The following DERA variants were observed in gnomAD, a reference collection of about 807,000 sequenced individuals.
DERA encodes the protein deoxyribose-phosphate aldolase.
In DERA, 15 loss-of-function variants were observed where a neutral mutation model predicts 41.1. That is an observed-to-expected ratio of 0.37 (90% CI 0.24 to 0.56). DERA has a LOEUF of 0.56. Among genes scored for constraint, DERA ranks in the 20% least tolerant of loss-of-function variants. The pLI is 0.81. For missense variants in DERA, 396 were observed against 403.4 expected (o/e 0.98, Z 0.16); for synonymous variants, 139 against 137.4 (o/e 1.01, Z -0.08).
chr12:16,021,543 T>C lies in DERA; in HGVS notation c.638-10999T>C, dbSNP rs1949017286. On this transcript the variant is annotated intron_variant, in intron 6 of 8. Coordinates refer to ENST00000428559, the MANE Select transcript of DERA (RefSeq NM_015954.4). This position sits in a 1 kb window ranked among gnomAD's most constrained non-coding sequence, Gnocchi z 5.3. ...CAGAGTCTCCACTGCAGCGCTGTCTTAGTGGAATTGTGGGAATGGGGCTGC... is the reference window on the plus strand; with the variant it reads ...CAGAGTCTCCACTGCAGCGCTGTCTCAGTGGAATTGTGGGAATGGGGCTGC... Among the ~76,000 whole-genome samples the C allele has an allele frequency of 6.6e-6, 1 of 152,122 alleles. No individual in the cohort carries two copies. The highest frequency in any genetic ancestry group is 2.4e-5 in the African/African-American group (1 of 41,408).
At chr12:15,964,549 A>T (rs893955222) in intron 5 of DERA, among the ~76,000 whole-genome samples, 1 of 152,174 alleles carries the variant, frequency 6.6e-6, no homozygotes, top group East Asian at 1.9e-4. Flanking sequence ...CTCTGTTCCT[A>T]TATATTAATT....
In DERA at chr12:16,001,112, A is replaced by G. The variant is rs1231512481; in HGVS notation, c.637+18676A>G. Among the ~76,000 whole-genome samples, 2 of 152,180 alleles carry G rather than the reference A, an allele frequency of 1.3e-5. No individual in the cohort carries two copies. The highest frequency in any genetic ancestry group is 2.4e-5 in the African/African-American group (1 of 41,440). Reference sequence around the variant, plus strand: ...ATTTTCATTTTCTGTCCATAAACGCATACCCAGGCAGAGCTGATACTCTAT... The same window carrying G: ...ATTTTCATTTTCTGTCCATAAACGCGTACCCAGGCAGAGCTGATACTCTAT... On this transcript the variant is annotated intron_variant, in intron 6 of 8. Coordinates refer to ENST00000428559, the MANE Select transcript of DERA (RefSeq NM_015954.4). The surrounding 1 kb of genome is among the most constrained non-coding windows in gnomAD (Gnocchi z 4.1).
Position 15,976,139 on chromosome 12 carries a change from C to T in DERA, c.509-6169C>T, listed in dbSNP as rs937649675. ...TAACCTCTATTACACTCCAGCATTG[C>T]ATGGTTTATTCTTACTTTCCCCTTC... On this transcript the variant is annotated intron_variant, in intron 5 of 8. Transcript: ENST00000428559. The surrounding 1 kb of genome is among the most constrained non-coding windows in gnomAD (Gnocchi z 4.1). 6.6e-6 allele frequency among the ~76,000 whole-genome samples: 1 copy of T among 152,210 alleles called. No individual in the cohort carries two copies. The highest frequency in any genetic ancestry group is 6.5e-5 in the Admixed American group (1 of 15,282).
At chr12:16,031,966 T>G (rs975147209) in intron 6 of DERA, among the ~76,000 whole-genome samples, 1 of 152,200 alleles carries the variant, frequency 6.6e-6, no homozygotes, top group Non-Finnish European at 1.5e-5. Context: ...TAAGATACAT[T>G]TGAAGGAAGG....
rs1948620982 is a variant in DERA, at chr12:15,966,120, C to T, written c.508+3173C>T. Among the ~76,000 whole-genome samples the T allele has an allele frequency of 6.6e-6, 1 of 152,172 alleles. No individual in the cohort carries two copies. Among genetic ancestry groups the T allele is most frequent in the Non-Finnish European group, 1.5e-5 (1 of 68,034 alleles). On this transcript the variant is annotated intron_variant, in intron 5 of 8. Transcript: ENST00000428559. This position sits in a 1 kb window ranked among gnomAD's most constrained non-coding sequence, Gnocchi z 5.1. ...AAAGAAGGCCCGATGCGGTGGCTCA[C>T]ACCTGTAATCCCAGCACTTTGGGAG...
At position 15,936,915 on chromosome 12, in the gene DERA, CCTGTCCTGTCCTGTCCTGTCTT is replaced by C. The variant is rs1424150963; in HGVS notation, c.32-20020_32-19999del. Among the ~76,000 whole-genome samples, 1,476 of 147,412 alleles carry C rather than the reference CCTGTCCTGTCCTGTCCTGTCTT, an allele frequency of 0.01. 45 individuals carry two copies. The highest frequency in any genetic ancestry group is 0.036 in the African/African-American group (1,413 of 39,350). ...CCTGTCCTGTCCTGTCCTGTCCTGT[CCTGTCCTGTCCTGTCCTGTCTT>C]GTCCTGTCCCGTCCTGTCCTGCCCT... On this transcript the variant is annotated intron_variant, in intron 1 of 8. Coordinates refer to ENST00000428559, the MANE Select transcript of DERA (RefSeq NM_015954.4). This position sits in a 1 kb window ranked among gnomAD's most constrained non-coding sequence, Gnocchi z 4.6.
intron 1 of DERA, among the ~76,000 whole-genome samples, chr12:15,953,536 CAT>C (rs531949725): frequency 3.9e-5 from 6 of 152,228 alleles, no homozygotes; most frequent in Admixed American, 1.3e-4. Context: ...ACCAAAATGA[CAT>C]ATTAAGGTAA....
rs1948911172 is a variant in DERA, at chr12:16,006,428, G to A, written c.637+23992G>A. Among the ~76,000 whole-genome samples the A allele has an allele frequency of 2.0e-5, 3 of 152,340 alleles. 1 individual carries two copies. The highest frequency in any genetic ancestry group is 4.1e-4 in the South Asian group (2 of 4,828). On this transcript the variant is annotated intron_variant, in intron 6 of 8. Coordinates refer to ENST00000428559, the MANE Select transcript of DERA (RefSeq NM_015954.4). ...ATGCAGTTAAATGACTGTCTGGGAC[G>A]AAAATCAAGAAAACAAAGCCCAAAC... is the stretch of plus-strand genomic sequence containing the variant.
At chr12:15,912,959 T>A (rs1948175232) in intron 1 of DERA, among the ~76,000 whole-genome samples, 1 of 152,222 alleles carries the variant, frequency 6.6e-6, no homozygotes, top group South Asian at 2.1e-4. Flanking sequence ...TGGTCTTTAG[T>A]AATAACGGCA....
In DERA at chr12:15,985,260, G is replaced by C. The variant is rs1052704931; in HGVS notation, c.637+2824G>C. The C allele has an allele frequency of 6.6e-6, 1 of 152,170 alleles. No individual in the cohort carries two copies. The allele number at this position is 152,170 out of a possible 1,614,324, so 9.4% of individuals were successfully genotyped here. ...CATAGTGTGAACTCTTGGGTGCTTT[G>C]TTTTTGGTTTGTTTTGCCCTCACTA... On this transcript the variant is annotated intron_variant, in intron 6 of 8. Transcript: ENST00000428559. The surrounding 1 kb of genome is among the most constrained non-coding windows in gnomAD (Gnocchi z 4.2).
chr12:15,939,985 C>T (rs1355076670), intron 1 of DERA, among the ~76,000 whole-genome samples: 5 of 152,270 alleles, frequency 3.3e-5, no homozygotes, highest in East Asian at 1.9e-4. Context: ...ATGTGTCTGT[C>T]ACAAAGAGAT....
Position 15,923,017 on chromosome 12 carries a change from C to CTTTT in DERA, c.31+11623_31+11626dup, listed in dbSNP as rs1208644862. 7.8e-4 allele frequency among the ~76,000 whole-genome samples: 81 copies of CTTTT among 104,438 alleles called. 1 individual carries two copies. The highest frequency in any genetic ancestry group is 1.5e-3 in the East Asian group (5 of 3,364). The allele number at this position is 104,438 out of a possible 152,430, so 68.5% of individuals were successfully genotyped here. Reference sequence around the variant, plus strand: ...TAAAAAATAGTGGTTTTTGTTTTTGCTTTTTTTTTTTTTTTTTTTTTTTGA... The same window carrying CTTTT: ...TAAAAAATAGTGGTTTTTGTTTTTGCTTTTTTTTTTTTTTTTTTTTTTTTTTTGA... On this transcript the variant is annotated intron_variant, in intron 1 of 8. Transcript: ENST00000428559.
chr12:15,981,878 C>A lies in DERA; in HGVS notation c.509-430C>A, dbSNP rs1948735062. Among the ~76,000 whole-genome samples, 1 of 151,770 alleles carries A rather than the reference C, an allele frequency of 6.6e-6. No individual in the cohort carries two copies. Among genetic ancestry groups the A allele is most frequent in the African/African-American group, 2.4e-5 (1 of 41,252 alleles). On this transcript the variant is annotated intron_variant, in intron 5 of 8. Transcript: ENST00000428559. The surrounding 1 kb of genome is among the most constrained non-coding windows in gnomAD (Gnocchi z 6.1). Reference sequence around the variant, plus strand: ...CAAGAAAGGTGTGCTTTATATCCAACCAAAGAACCTATTACTTGTGAATGG... The same window carrying A: ...CAAGAAAGGTGTGCTTTATATCCAAACAAAGAACCTATTACTTGTGAATGG...
rs955817184 is a variant in DERA, at chr12:16,013,642, T to C, written c.638-18900T>C. 1.3e-5 allele frequency among the ~76,000 whole-genome samples: 2 copies of C among 152,172 alleles called. No individual in the cohort carries two copies. The highest frequency in any genetic ancestry group is 1.5e-5 in the Non-Finnish European group (1 of 68,044). On this transcript the variant is annotated intron_variant, in intron 6 of 8. Transcript: ENST00000428559. The surrounding 1 kb of genome is among the most constrained non-coding windows in gnomAD (Gnocchi z 5.8). The stretch of plus-strand genomic sequence containing the variant: ...TATGAACATGGATTAATACAGTAAA[T>C]TGGTACCGAGGTAGTGGGACACTGC...
chr12:15,953,433 C>T (rs1434954753), intron 1 of DERA, among the ~76,000 whole-genome samples: 1 of 151,902 alleles, frequency 6.6e-6, no homozygotes, highest in Non-Finnish European at 1.5e-5. Context: ...ACCTCCATCT[C>T]CACTACGACT....
chr12:15,998,339 A>G lies in DERA; in HGVS notation c.637+15903A>G, dbSNP rs1948852766. Reference sequence around the variant, plus strand: ...TATTTATTTATTTATTTATTTAGAGACGGAGTCTAGCTGTGTCGCCCAGGC... The same window carrying G: ...TATTTATTTATTTATTTATTTAGAGGCGGAGTCTAGCTGTGTCGCCCAGGC... On this transcript the variant is annotated intron_variant, in intron 6 of 8. Coordinates refer to ENST00000428559, the MANE Select transcript of DERA (RefSeq NM_015954.4). This position sits in a 1 kb window ranked among gnomAD's most constrained non-coding sequence, Gnocchi z 4.8. 6.6e-6 allele frequency among the ~76,000 whole-genome samples: 1 copy of G among 151,708 alleles called. No homozygotes were observed. The highest frequency in any genetic ancestry group is 2.4e-5 in the African/African-American group (1 of 41,152).
At chr12:15,971,457 C>T (rs1948658930) in intron 5 of DERA, among the ~76,000 whole-genome samples, 2 of 149,570 alleles carry the variant, frequency 1.3e-5, no homozygotes, top group African/African-American at 4.9e-5. Context: ...ACACATAAGA[C>T]AGGGATGGGG....
In DERA at chr12:16,012,082, T is replaced by A. The variant is rs1948950256; in HGVS notation, c.638-20460T>A. Among the ~76,000 whole-genome samples, 3 of 152,230 alleles carry A rather than the reference T, an allele frequency of 2.0e-5. No individual in the cohort carries two copies. Among genetic ancestry groups the A allele is most frequent in the Non-Finnish European group, 4.4e-5 (3 of 68,042 alleles). On this transcript the variant is annotated intron_variant, in intron 6 of 8. Transcript: ENST00000428559. The surrounding 1 kb of genome is among the most constrained non-coding windows in gnomAD (Gnocchi z 4.1). ...CAGAGTTTGGTAAAGAAAAGCCTTGTCTTGTACACTGCTGTGTATGCACTT... is the reference window on the plus strand; with the variant it reads ...CAGAGTTTGGTAAAGAAAAGCCTTGACTTGTACACTGCTGTGTATGCACTT...
intron 1 of DERA, among the ~76,000 whole-genome samples, chr12:15,950,861 C>T (rs1948492683): frequency 1.3e-5 from 2 of 152,228 alleles, no homozygotes; most frequent in Non-Finnish European, 2.9e-5. Context: ...TTTTTCAGCA[C>T]TGCTCACTCT....
Sources: allele counts gnomAD v4.1 joint callset (sites outside exome capture counted in the v4.1 genomes callset), GRCh38; gene constraint gnomAD v4.1.1; non-coding constraint Gnocchi (gnomAD v3.1); transcripts MANE v1.5; gene names NCBI Gene and HGNC (gene_info 2026-07-23, HGNC 2026-07-21).